CFAP74: variants seen among roughly 807,000 people sequenced by gnomAD.
CFAP74 encodes the protein cilia and flagella associated protein 74, also known as cilia- and flagella-associated protein 74.
CFAP74 carries 124 observed loss-of-function variants against 188.9 expected under a neutral mutation model. That is an observed-to-expected ratio of 0.66 (90% CI 0.57 to 0.76). CFAP74 has a LOEUF of 0.76. Ranked by LOEUF, CFAP74 falls within the 30% of genes least tolerant of loss-of-function variation. The probability of loss-of-function intolerance (pLI) is 0.00; values close to 1 mark genes in which losing one functional copy is unlikely to be tolerated. For missense variants in CFAP74, 2,198 were observed against 2,165.2 expected (o/e 1.02, Z -0.30); for synonymous variants, 956 against 916.7 (o/e 1.04, Z -0.77).
rs141833643 is a variant in CFAP74, at chr1:1,930,142, C to A, written c.3206G>T (p.Gly1069Val). Residue 1069 changes from glycine (G) to valine (V), a missense_variant, in exon 26 of 39, where the codon GGG becomes GTG. Transcript: ENST00000682832. ...CAGCAGGAACTCGAAAGACGTGGGC[C>A]CCATGGGAGAGGCGTCCTCTGAGCC... ...RIGSEDASPM[G>V]PTSFEFLLPP... 9.7e-3 allele frequency: 14,910 copies of A among 1,535,596 alleles called. 91 individuals carry two copies. Among genetic ancestry groups the A allele is most frequent in the Admixed American group, 0.012 (595 of 50,978 alleles).
In CFAP74 at chr1:1,928,808, C is replaced by T. The variant is rs906873340; in HGVS notation, c.3363G>A (p.Leu1121=). Residue 1121 remains leucine (L), a synonymous_variant, in exon 27 of 39, where the codon CTG becomes CTA. Coordinates refer to ENST00000682832, the MANE Select transcript of CFAP74 (RefSeq NM_001304360.2). ...KLIRQEALPL[L]NKEMETKSFR... is the part of the protein sequence containing the mutation. ...CAGATTTGGTCTCCATTTCTTTGTT[C>T]AGGAGTGGGAGGGCTTCCTGGCGGA... 1 of 1,535,674 alleles carries T rather than the reference C, an allele frequency of 6.5e-7. No individual in the cohort carries two copies. Among genetic ancestry groups the T allele is most frequent in the East Asian group, 2.4e-5 (1 of 40,890 alleles).
chr1:1,922,032 TAGGATGG>T lies in CFAP74; in HGVS notation c.*248_*254del. 2.0e-6 allele frequency: 1 copy of T among 510,800 alleles called. No homozygotes were observed. Among genetic ancestry groups the T allele is most frequent in the Non-Finnish European group, 3.5e-6 (1 of 287,496 alleles). The allele number at this position is 510,800 out of a possible 1,614,324, so 31.6% of individuals were successfully genotyped here. On this transcript the variant is annotated 3_prime_UTR_variant, in exon 39 of 39. Transcript: ENST00000682832. ...GCTGGGGGCTCTGAGGGGGTCTGGC[TAGGATGG>T]CTGAGGGCTGGCCTGGCCTTCTCGC... is the stretch of plus-strand genomic sequence containing the variant.
chr1:1,951,831 G>C (rs1654218827), intron 18 of CFAP74, among the ~76,000 whole-genome samples: 1 of 151,546 alleles, frequency 6.6e-6, no homozygotes, highest in African/African-American at 2.4e-5. Flanking sequence ...AGCACTTTGG[G>C]AGGCTGAGAT....
chr1:1,937,099 T>C, intron 25 of CFAP74, among the ~76,000 whole-genome samples: 1 of 152,168 alleles, frequency 6.6e-6, no homozygotes. Context: ...GCCTAAGGAC[T>C]CCACGTGTGC....
At chr1:1,925,642 AGAG>A in intron 33 of CFAP74, 138 bp downstream of exon 33, 1 of 838,992 alleles carries the variant, frequency 1.2e-6, no homozygotes, top group Non-Finnish European at 1.8e-6. Flanking sequence ...GCAGCTGTGT[AGAG>A]GAGGGGTAGA....
At chr1:1,934,914 T>C (rs1172204439) in intron 25 of CFAP74, among the ~76,000 whole-genome samples, 34 of 132,700 alleles carry the variant, frequency 2.6e-4, no homozygotes, top group African/African-American at 8.8e-4. Flanking sequence ...TGTACGTGGG[T>C]GTTAGGTTGT....
rs143363057 is a variant in CFAP74, at chr1:1,984,780, G to A, written c.500+606C>T. Reference sequence around the variant, plus strand: ...GGCGGCATGGGCACTCTTAGGGGTGGGGTGGCCTGAGGCCTGCACTCAGCC... The same window carrying A: ...GGCGGCATGGGCACTCTTAGGGGTGAGGTGGCCTGAGGCCTGCACTCAGCC... On this transcript the variant is annotated intron_variant, in intron 6 of 38. Transcript: ENST00000682832. 3.2e-3 allele frequency: 494 copies of A among 153,128 alleles called. 1 individual carries two copies. Among genetic ancestry groups the A allele is most frequent in the Admixed American group, 4.9e-3 (75 of 15,360 alleles). 9.5% of individuals were successfully genotyped at this position (153,128 alleles called of 1,614,324 possible). A position where few individuals can be genotyped will look rare whatever the true frequency, so the allele number is the denominator to read the frequency against.
rs1446320917 is a variant in CFAP74 at position 1,935,205 on chromosome 1, A to G, written c.3011+3650T>C. Among the ~76,000 whole-genome samples the G allele has an allele frequency of 1.4e-4, 8 of 58,336 alleles. 3 individuals are homozygous for G. In the East Asian group the frequency reaches 6.1e-3, roughly 45 times the overall value. The allele number at this position is 58,336 out of a possible 152,430, so 38.3% of individuals were successfully genotyped here. A position where few individuals can be genotyped will look rare whatever the true frequency, so the allele number is the denominator to read the frequency against. ...TGTTAGGTTGTGGGTACACACGTGT[A>G]CGTGGGTGTTGTAGGTACACACGTG... On this transcript the variant is annotated intron_variant, in intron 25 of 38. Transcript: ENST00000682832.
intron 25 of CFAP74, among the ~76,000 whole-genome samples, chr1:1,931,587 A>G (rs58087899): frequency 0.55 from 81,916 of 148,780 alleles, 22,677 homozygotes; most frequent in East Asian, 0.65. Flanking sequence ...ATACAAAAAA[A>G]TTAGCTGGGT....
intron 16 of CFAP74, 109 bp from the exon 17 acceptor site, chr1:1,956,893 C>A: frequency 2.8e-6 from 3 of 1,086,024 alleles, no homozygotes; most frequent in East Asian, 2.6e-5. Context: ...CATTTGTGCG[C>A]GTTGTGCACT....
intron 25 of CFAP74, among the ~76,000 whole-genome samples, chr1:1,931,834 G>C (rs1402379558): frequency 6.6e-6 from 1 of 151,346 alleles, no homozygotes; most frequent in South Asian, 2.1e-4. Flanking sequence ...AGACCGAGGC[G>C]GGTGGATTAC....
chr1:1,970,593 T>G, intron 10 of CFAP74, 66 bp downstream of exon 10: 1 of 1,521,706 alleles, frequency 6.6e-7, no homozygotes, highest in South Asian at 1.2e-5. Flanking sequence ...CCGAACCCCC[T>G]TGGCTCTCCC....
chr1:1,940,015 C>T (rs556215010), intron 23 of CFAP74, among the ~76,000 whole-genome samples: 48 of 152,328 alleles, frequency 3.2e-4, no homozygotes, highest in African/African-American at 1.1e-3. Context: ...TCTCTGTGTG[C>T]GGCACACATG....
Position 1,941,135 on chromosome 1 carries a change from G to C in CFAP74, c.2616-732C>G, listed in dbSNP as rs375002350. Among the ~76,000 whole-genome samples the C allele has an allele frequency of 2.6e-4, 39 of 151,688 alleles. No homozygotes were observed. In the East Asian group the frequency reaches 5.6e-3, roughly 22 times the overall value. On this transcript the variant is annotated intron_variant, in intron 22 of 38. Coordinates refer to ENST00000682832, the MANE Select transcript of CFAP74 (RefSeq NM_001304360.2). ...CTCAAAAAAGAAAGAAAGAAAGAAAGAAATATCAGGAGAAGTAAAATAAGA... is the reference window on the plus strand; with the variant it reads ...CTCAAAAAAGAAAGAAAGAAAGAAACAAATATCAGGAGAAGTAAAATAAGA...
chr1:1,928,969 G>T, intron 26 of CFAP74, 87 bp from the exon 27 acceptor site: 1 of 853,588 alleles, frequency 1.2e-6, no homozygotes, highest in Non-Finnish European at 1.8e-6. Flanking sequence ...TCCTCTGCCC[G>T]TGGACTCCCC....
chr1:1,930,086 AGGGC>A lies in CFAP74; in HGVS notation c.3258_3261del (p.Pro1087GlnfsTer25). 6.5e-7 allele frequency: 1 copy of A among 1,530,002 alleles called. No individual in the cohort carries two copies. Among genetic ancestry groups the A allele is most frequent in the African/African-American group, 1.4e-5 (1 of 73,046 alleles). 94.8% of individuals were successfully genotyped at this position (1,530,002 alleles called of 1,614,324 possible). On this transcript the variant is annotated frameshift_variant, in exon 26 of 39. Coordinates refer to ENST00000682832, the MANE Select transcript of CFAP74 (RefSeq NM_001304360.2). LOFTEE classifies it high-confidence loss of function. ...TTTCCTGGCCACACGGTCCCCACTG[AGGGC>A]GAGATGGTGATAGGCGAGTCTGGGG...
chr1:1,999,583 G>C (rs1226441301), intron 1 of CFAP74, among the ~76,000 whole-genome samples: 1 of 152,114 alleles, frequency 6.6e-6, no homozygotes, highest in South Asian at 2.1e-4. Context: ...TTGGGAGGCC[G>C]AGGCAGGTGG....
At chr1:1,932,098 A>AAAAC (rs1557993372) in intron 25 of CFAP74, among the ~76,000 whole-genome samples, 11 of 123,410 alleles carry the variant, frequency 8.9e-5, no homozygotes, top group African/African-American at 3.0e-4. Flanking sequence ...AAAAAACAAA[A>AAAAC]AACTTAGAAA....
Position 1,923,539 on chromosome 1 carries a change from G to C in CFAP74, c.4390-40C>G. 1.3e-6 allele frequency: 2 copies of C among 1,592,064 alleles called. No individual in the cohort carries two copies. The highest frequency in any genetic ancestry group is 2.7e-5 in the African/African-American group (2 of 74,688). On this transcript the variant is annotated intron_variant, in intron 35 of 38. Coordinates refer to ENST00000682832, the MANE Select transcript of CFAP74 (RefSeq NM_001304360.2). The surrounding 1 kb of genome is among the most constrained non-coding windows in gnomAD (Gnocchi z 6.3). Reference sequence around the variant, plus strand: ...TGGAGTGGCCTTGTCCCCGAAGCTCGGCGGCAGGGGTCCTGCTGGTGAGAG... The same window carrying C: ...TGGAGTGGCCTTGTCCCCGAAGCTCCGCGGCAGGGGTCCTGCTGGTGAGAG...
Sources: gnomAD v4.1 joint callset for allele counts (sites outside exome capture counted in the v4.1 genomes callset) on GRCh38, gnomAD v4.1.1 for gene constraint, Gnocchi (gnomAD v3.1) non-coding constraint, MANE v1.5 for transcripts, NCBI Gene and HGNC (gene_info 2026-07-23, HGNC 2026-07-21) for gene names.